Variants in DLG2 observed in about 807,000 individuals in gnomAD.
DLG2 encodes the protein discs large MAGUK scaffold protein 2, also known as disks large homolog 2.
In DLG2, 45 loss-of-function variants were observed where a neutral mutation model predicts 132.5. The observed-to-expected ratio is 0.34, with a 90% CI of 0.27 to 0.44. DLG2 has a LOEUF of 0.44. Among genes scored for constraint, DLG2 ranks in the 20% least tolerant of loss-of-function variants. The pLI is 1.00. For synonymous variants in DLG2, 424 were observed against 419.6 expected, an observed-to-expected ratio of 1.01 and a Z score of -0.13; for missense variants, 1,045 against 1,196.9, an observed-to-expected ratio of 0.87 and a Z score of 1.87.
chr11:83,507,494 C>A (rs942118639), intron 21 of DLG2, among the ~76,000 whole-genome samples: 4 of 144,638 alleles, frequency 2.8e-5, no homozygotes, highest in Admixed American at 1.4e-4. Context: ...CATATATATA[C>A]ACATATATAT....
intron 6 of DLG2, among the ~76,000 whole-genome samples, chr11:84,844,131 GTGTGTATATATATATATATATATA>G (rs1361437146): frequency 3.0e-4 from 8 of 26,366 alleles, no homozygotes; most frequent in African/African-American, 9.6e-4. Flanking sequence ...GTGTGTGTGT[GTGTGTATATATATATATATATATA>G]TATATATATA....
intron 6 of DLG2, among the ~76,000 whole-genome samples, chr11:84,733,108 C>T (rs189814423): frequency 0.034 from 5,134 of 152,200 alleles, 134 homozygotes; most frequent in Non-Finnish European, 0.053. Context: ...CATATGTGTG[C>T]ATGTGTCTTT....
At chr11:83,725,019 G>T (rs2089716234) in intron 18 of DLG2, 1 of 655,104 alleles carries the variant, frequency 1.5e-6, no homozygotes, top group African/African-American at 1.8e-5. Flanking sequence ...CCTGTTAGGA[G>T]TGAAGCAGGT....
intron 7 of DLG2, among the ~76,000 whole-genome samples, chr11:84,332,996 G>A (rs897713246): frequency 2.6e-5 from 4 of 152,184 alleles, no homozygotes; most frequent in African/African-American, 9.6e-5. Flanking sequence ...TTGAGTGGAT[G>A]AGTAGGAGCT....
At position 84,292,269 on chromosome 11, in the gene DLG2, T is replaced by G. The variant is rs188102765; in HGVS notation, c.520-40978A>C. ...TATGTGGTAAGTTATTCTCACCTCA[T>G]GCCTATAGTTACCAGTGGAGAGACT... On this transcript the variant is annotated intron_variant, in intron 7 of 27. Transcript: ENST00000376104. Among the ~76,000 whole-genome samples the G allele has an allele frequency of 2.1e-4, 32 of 152,278 alleles. No homozygotes were observed. In the East Asian group the frequency reaches 6.0e-3, roughly 29 times the overall value.
intron 11 of DLG2, among the ~76,000 whole-genome samples, chr11:84,035,565 G>A (rs564513676): frequency 6.6e-6 from 1 of 152,192 alleles, no homozygotes; most frequent in Non-Finnish European, 1.5e-5. Context: ...CATGGGCAAG[G>A]GGAAATTGAT....
chr11:84,534,725 G>A lies in DLG2; in HGVS notation c.364C>T (p.Arg122Ter). The change falls in exon 7 of 28, where the codon CGA (arginine) becomes TGA (stop). Residue 122 changes from arginine to a stop codon, truncating the protein, a stop_gained. Coordinates refer to ENST00000376104, the MANE Select transcript of DLG2 (RefSeq NM_001142699.3). LOFTEE classifies it high-confidence loss of function. ...WMPVHHCTKY[R>*]YQDEDAPHDH... is the part of the protein sequence containing the mutation. ...TGTGGAGCGTCCTCATCTTGATATCGATACTTCTAGGAGAAAAGAAAAGAA... is the reference window on the plus strand; with the variant it reads ...TGTGGAGCGTCCTCATCTTGATATCAATACTTCTAGGAGAAAAGAAAAGAA... The A allele has an allele frequency of 6.2e-7, 1 of 1,613,878 alleles. No individual in the cohort carries two copies. The highest frequency in any genetic ancestry group is 8.5e-7 in the Non-Finnish European group (1 of 1,179,876).
chr11:83,579,834 G>A (rs1854973031), intron 19 of DLG2, among the ~76,000 whole-genome samples: 1 of 151,962 alleles, frequency 6.6e-6, no homozygotes, highest in Non-Finnish European at 1.5e-5. Flanking sequence ...GCCAGGCATG[G>A]TGGCATGTGC....
In DLG2 at chr11:84,492,869, C is replaced by T. The variant is rs1363025315; in HGVS notation, c.519+41701G>A. ...CAATAGACAGTTTTAACCATCAGACCAAAGGAATTATATATAATTCCCAGG... is the reference window on the plus strand; with the variant it reads ...CAATAGACAGTTTTAACCATCAGACTAAAGGAATTATATATAATTCCCAGG... On this transcript the variant is annotated intron_variant, in intron 7 of 27. Transcript: ENST00000376104. 4.6e-5 allele frequency among the ~76,000 whole-genome samples: 7 copies of T among 151,936 alleles called. 1 individual carries two copies. Among genetic ancestry groups the T allele is most frequent in the Admixed American group, 3.9e-4 (6 of 15,236 alleles).
chr11:85,145,233 T>C (rs1009778099), intron 5 of DLG2, among the ~76,000 whole-genome samples: 2 of 152,150 alleles, frequency 1.3e-5, no homozygotes, highest in Admixed American at 1.3e-4. Flanking sequence ...TTGTTTCTTT[T>C]CTCTTGCTTC....
rs150152392 is a variant in DLG2, at chr11:84,536,062, C to G, written c.358-1331G>C. Reference sequence around the variant, plus strand: ...ATTCAATCTGTTGTTCACTCTTCCTCAGAAGCAGATTATCAATACTTACAC... The same window carrying G: ...ATTCAATCTGTTGTTCACTCTTCCTGAGAAGCAGATTATCAATACTTACAC... On this transcript the variant is annotated intron_variant, in intron 6 of 27. Coordinates refer to ENST00000376104, the MANE Select transcript of DLG2 (RefSeq NM_001142699.3). Among the ~76,000 whole-genome samples the G allele has an allele frequency of 5.9e-5, 9 of 152,160 alleles. No individual in the cohort carries two copies. In the East Asian group the frequency reaches 1.7e-3, roughly 29 times the overall value.
chr11:85,515,143 A>G (rs1049570919), intron 3 of DLG2, among the ~76,000 whole-genome samples: 1 of 151,948 alleles, frequency 6.6e-6, no homozygotes, highest in African/African-American at 2.4e-5. Flanking sequence ...TAAAAGACAA[A>G]AGGAGAAGTC....
intron 3 of DLG2, among the ~76,000 whole-genome samples, chr11:85,457,328 G>A (rs1206955097): frequency 6.6e-6 from 1 of 151,880 alleles, no homozygotes; most frequent in Non-Finnish European, 1.5e-5. Context: ...GCCTATGAAT[G>A]TTGCTGCATG....
At chr11:84,103,146 T>A (rs1055045253) in intron 9 of DLG2, among the ~76,000 whole-genome samples, 1 of 152,136 alleles carries the variant, frequency 6.6e-6, no homozygotes. Context: ...TGAATTCAGC[T>A]AAGGAAATGA....
intron 17 of DLG2, 72 bp from the exon 18 acceptor site, chr11:83,786,864 C>A: frequency 7.4e-7 from 1 of 1,345,194 alleles, no homozygotes; most frequent in East Asian, 2.3e-5. Flanking sequence ...AAAAAGTTTC[C>A]CAAAACCAGG....
chr11:84,625,159 C>A (rs1457094407), intron 6 of DLG2, among the ~76,000 whole-genome samples: 1 of 151,894 alleles, frequency 6.6e-6, no homozygotes, highest in Non-Finnish European at 1.5e-5. Flanking sequence ...CGCGCCCGGC[C>A]CGAGAGTCAA....
chr11:85,115,325 G>A (rs565690125), intron 5 of DLG2, among the ~76,000 whole-genome samples: 7 of 151,944 alleles, frequency 4.6e-5, no homozygotes, highest in African/African-American at 1.7e-4. Flanking sequence ...TAAATAACAG[G>A]ACCATTCATC....
intron 3 of DLG2, among the ~76,000 whole-genome samples, chr11:85,491,631 TTA>T (rs1311451906): frequency 1.3e-5 from 2 of 151,942 alleles, no homozygotes; most frequent in African/African-American, 4.8e-5. Flanking sequence ...AAAAAGAAAT[TTA>T]TTTAAAACCT....
chr11:84,771,002 C>T (rs1479339892), intron 6 of DLG2, among the ~76,000 whole-genome samples: 1 of 152,052 alleles, frequency 6.6e-6, no homozygotes, highest in Non-Finnish European at 1.5e-5. Context: ...ATACGTACGC[C>T]ATTTTCTTTA....
Sources: allele counts gnomAD v4.1 joint callset (sites outside exome capture counted in the v4.1 genomes callset), GRCh38; gene constraint gnomAD v4.1.1; transcripts MANE v1.5; gene names NCBI Gene and HGNC (gene_info 2026-07-23, HGNC 2026-07-21).